ARHGEF28: variants seen among roughly 807,000 people sequenced by gnomAD.
ARHGEF28 encodes the protein 190 kDa guanine nucleotide exchange factor.
Under a neutral mutation model 206.6 loss-of-function variants are expected in ARHGEF28, and 152 were observed. The ratio of observed to expected loss-of-function variants is 0.74; its 90% CI spans 0.64 to 0.84. The LOEUF (loss-of-function observed/expected upper bound fraction) is 0.84, where lower values mean the gene tolerates loss of function less well. ARHGEF28 is among the 40% of genes least tolerant of loss of function. The pLI, the probability that ARHGEF28 is intolerant of heterozygous loss-of-function variation, is 0.00. For synonymous variants in ARHGEF28, 763 were observed against 776.4 expected, an observed-to-expected ratio of 0.98 and a Z score of 0.29; for missense variants, 2,028 against 2,073.2, an observed-to-expected ratio of 0.98 and a Z score of 0.42.
intron 4 of ARHGEF28, among the ~76,000 whole-genome samples, chr5:73,771,094 C>T (rs1472256038): frequency 1.3e-5 from 2 of 152,168 alleles, no homozygotes; most frequent in Admixed American, 6.5e-5. Flanking sequence ...TAAATTGATA[C>T]CATGCTTTCC....
Position 73,897,961 on chromosome 5 carries a change from G to T in ARHGEF28, c.3842-1G>T. 2 of 1,569,564 alleles carry T rather than the reference G, an allele frequency of 1.3e-6. No homozygotes were observed. Among genetic ancestry groups the T allele is most frequent in the Non-Finnish European group, 1.7e-6 (2 of 1,156,382 alleles). ...TTTATTTTTGTTTTTCTCCATCTTA[G>T]CTGAGAGCCTACAAGTTGCAGTGAA... On this transcript the variant is annotated splice_acceptor_variant, in intron 29 of 35. Transcript: ENST00000513042. LOFTEE classifies it high-confidence loss of function.
At chr5:73,672,813 G>A (rs1198281053) in intron 1 of ARHGEF28, among the ~76,000 whole-genome samples, 3 of 152,186 alleles carry the variant, frequency 2.0e-5, no homozygotes, top group Non-Finnish European at 4.4e-5. Flanking sequence ...TATATCCTGC[G>A]AAATACAAGT....
intron 35 of ARHGEF28, among the ~76,000 whole-genome samples, chr5:73,915,099 ATGCCTAGTGGG>A (rs1763134766): frequency 6.6e-6 from 1 of 152,008 alleles, no homozygotes; most frequent in African/African-American, 2.4e-5. Flanking sequence ...TCCTTTTGTA[ATGCCTAGTGGG>A]ATGTTCATGA....
At chr5:73,795,623 C>T in intron 9 of ARHGEF28, 1 of 431,136 alleles carries the variant, frequency 2.3e-6, no homozygotes, top group Admixed American at 4.0e-5. Flanking sequence ...TTTTCCTGAA[C>T]AGTTTTACTC....
intron 2 of ARHGEF28, among the ~76,000 whole-genome samples, chr5:73,695,295 CT>C (rs1282928901): frequency 3.3e-5 from 5 of 152,100 alleles, no homozygotes; most frequent in African/African-American, 4.8e-5. Flanking sequence ...CAAGTTATCT[CT>C]TTGTCTATTG....
chr5:73,783,915 ATAAT>A (rs1465786321), intron 7 of ARHGEF28, among the ~76,000 whole-genome samples: 7 of 152,210 alleles, frequency 4.6e-5, no homozygotes, highest in Non-Finnish European at 8.8e-5. Flanking sequence ...CTGACTCCAA[ATAAT>A]TAATGGGTAT....
chr5:73,874,820 G>T (rs930452459), intron 22 of ARHGEF28, among the ~76,000 whole-genome samples: 2 of 147,358 alleles, frequency 1.4e-5, no homozygotes, highest in East Asian at 3.9e-4. Context: ...GTCTATCATC[G>T]TTGGACATTT....
chr5:73,883,687 G>A, intron 23 of ARHGEF28, 80 bp from the exon 24 acceptor site: 1 of 833,654 alleles, frequency 1.2e-6, no homozygotes, highest in East Asian at 3.0e-5. Context: ...TACTGTTGCA[G>A]ATTCTTTGTA....
chr5:73,752,858 A>G, intron 3 of ARHGEF28, 51 bp from the exon 4 acceptor site: 1 of 1,598,058 alleles, frequency 6.3e-7, no homozygotes, highest in African/African-American at 1.3e-5. Context: ...GACCCCTGTG[A>G]GAGCATCTCC....
Position 73,774,003 on chromosome 5 carries a change from T to C in ARHGEF28, c.624T>C (p.Arg208=), listed in dbSNP as rs1165175227. ...CCACACCATTAGACTTAGCTTTACG[T>C]GAAGGACACTCCAAGCTGGTGGAAG... is the stretch of plus-strand genomic sequence containing the variant. The part of the protein sequence containing the change: ...EGATPLDLAL[R]EGHSKLVEDV... The change falls in exon 5 of 36, where the codon CGT becomes CGC. Residue 208 remains arginine, a synonymous_variant. Coordinates refer to ENST00000513042, the MANE Select transcript of ARHGEF28 (RefSeq NM_001177693.2). 1 of 1,603,630 alleles carries C rather than the reference T, an allele frequency of 6.2e-7. No homozygotes were observed. The highest frequency in any genetic ancestry group is 1.3e-5 in the African/African-American group (1 of 74,792).
At chr5:73,940,548 C>T (rs1742537271) in intron 35 of ARHGEF28, among the ~76,000 whole-genome samples, 1 of 152,162 alleles carries the variant, frequency 6.6e-6, no homozygotes, top group African/African-American at 2.4e-5. Context: ...ATGACTTTCA[C>T]CCATTTTAAA....
At chr5:73,757,330 A>G (rs1752369409) in intron 4 of ARHGEF28, among the ~76,000 whole-genome samples, 1 of 152,200 alleles carries the variant, frequency 6.6e-6, no homozygotes, top group Admixed American at 6.5e-5. Flanking sequence ...AATTATTTTA[A>G]TGCTCAGTGT....
At chr5:73,829,834 C>T (rs1450290781) in intron 9 of ARHGEF28, among the ~76,000 whole-genome samples, 2 of 151,980 alleles carry the variant, frequency 1.3e-5, no homozygotes, top group African/African-American at 4.8e-5. Flanking sequence ...GTGAATATAT[C>T]CATGAAACAA....
At chr5:73,659,259 A>G (rs190532623) in intron 1 of ARHGEF28, among the ~76,000 whole-genome samples, 1 of 152,338 alleles carries the variant, frequency 6.6e-6, no homozygotes. Context: ...ACTAGTGAAC[A>G]AGATAGGTAA....
chr5:73,833,678 G>A (rs1197236045), intron 10 of ARHGEF28, among the ~76,000 whole-genome samples: 1 of 152,146 alleles, frequency 6.6e-6, no homozygotes, highest in Non-Finnish European at 1.5e-5. Flanking sequence ...AGAAATACCT[G>A]AGACTGGGTA....
chr5:73,880,200 C>T (rs1013093024), intron 22 of ARHGEF28, among the ~76,000 whole-genome samples: 10 of 152,252 alleles, frequency 6.6e-5, no homozygotes, highest in East Asian at 1.9e-4. Context: ...TAGCAATCAG[C>T]GAGACTCCGT....
intron 20 of ARHGEF28, among the ~76,000 whole-genome samples, chr5:73,869,230 G>GA (rs1194754733): frequency 3.4e-5 from 4 of 117,804 alleles, no homozygotes; most frequent in Non-Finnish European, 6.8e-5. Flanking sequence ...GGTGGAGGGG[G>GA]GTGGGGAAGG....
rs1418177183 is a variant in ARHGEF28, at chr5:73,909,383, A to G, written c.4162-29A>G. The G allele has an allele frequency of 3.2e-6, 5 of 1,565,912 alleles. No homozygotes were observed. The South Asian group carries it at 4.7e-5, about 15-fold the overall frequency. ...ACAATAACCATGGAACCTTGTGTTC[A>G]GTGATTTTTCCTCTGTCTGCTCTGA... On this transcript the variant is annotated intron_variant, in intron 33 of 35. Coordinates refer to ENST00000513042, the MANE Select transcript of ARHGEF28 (RefSeq NM_001177693.2).
chr5:73,914,507 C>G (rs1763097643), intron 35 of ARHGEF28, among the ~76,000 whole-genome samples: 3 of 149,110 alleles, frequency 2.0e-5, no homozygotes, highest in Non-Finnish European at 4.4e-5. Context: ...GGTGATTCTC[C>G]TGCCTCAGCC....
Sources: allele counts gnomAD v4.1 joint callset (sites outside exome capture counted in the v4.1 genomes callset), GRCh38; gene constraint gnomAD v4.1.1; transcripts MANE v1.5; gene names NCBI Gene and HGNC (gene_info 2026-07-23, HGNC 2026-07-21).